Variants in ZFPM2 observed in about 807,000 individuals in gnomAD.
ZFPM2 encodes the protein zinc finger protein, FOG family member 2.
In ZFPM2, 20 loss-of-function variants were observed where a neutral mutation model predicts 98.6. The observed-to-expected ratio is 0.20, with a 90% CI of 0.14 to 0.29. The LOEUF is 0.29. Ranked by LOEUF, ZFPM2 falls within the 10% of genes least tolerant of loss-of-function variation. The pLI is 1.00. For missense variants in ZFPM2, 1,310 were observed against 1,388.6 expected, an observed-to-expected ratio of 0.94 and a Z score of 0.90; for synonymous variants, 518 against 502.7, an observed-to-expected ratio of 1.03 and a Z score of -0.41.
chr8:105,567,218 A>G (rs562255060), intron 4 of ZFPM2, among the ~76,000 whole-genome samples: 9 of 152,290 alleles, frequency 5.9e-5, no homozygotes, highest in Admixed American at 6.5e-5. Context: ...CTATGTCTCC[A>G]GCATTCACCT....
intron 3 of ZFPM2, among the ~76,000 whole-genome samples, chr8:105,488,619 C>G (rs553995853): frequency 9.2e-5 from 14 of 152,142 alleles, no homozygotes; most frequent in African/African-American, 3.4e-4. Context: ...CAAAAATTAG[C>G]CGGGCATGGT....
intron 3 of ZFPM2, among the ~76,000 whole-genome samples, chr8:105,478,744 A>G (rs1418210469): frequency 6.6e-6 from 1 of 152,162 alleles, no homozygotes; most frequent in African/African-American, 2.4e-5. Context: ...TCTTTTTCCT[A>G]AACTGTCTCT....
At chr8:105,628,646 A>G (rs1816701985) in intron 4 of ZFPM2, among the ~76,000 whole-genome samples, 1 of 152,158 alleles carries the variant, frequency 6.6e-6, no homozygotes, top group Non-Finnish European at 1.5e-5. Flanking sequence ...GGATGGTTTG[A>G]TGGTGCAACT....
At chr8:105,430,331 T>C (rs1811995771) in intron 2 of ZFPM2, among the ~76,000 whole-genome samples, 1 of 152,148 alleles carries the variant, frequency 6.6e-6, no homozygotes, top group South Asian at 2.1e-4. Context: ...GTTAGTGGTC[T>C]TCAAAGAAGA....
At chr8:105,485,253 G>A (rs998074531) in intron 3 of ZFPM2, among the ~76,000 whole-genome samples, 6 of 152,232 alleles carry the variant, frequency 3.9e-5, no homozygotes, top group South Asian at 2.1e-4. Context: ...AGCAGCATCA[G>A]TCCAGGGGTT....
chr8:105,505,289 A>G (rs1813676806), intron 3 of ZFPM2, among the ~76,000 whole-genome samples: 1 of 152,188 alleles, frequency 6.6e-6, no homozygotes, highest in African/African-American at 2.4e-5. Flanking sequence ...TAGTACTACT[A>G]GTAGTAATAG....
intron 3 of ZFPM2, among the ~76,000 whole-genome samples, chr8:105,498,407 T>C (rs1813519252): frequency 6.6e-6 from 1 of 152,228 alleles, no homozygotes; most frequent in Non-Finnish European, 1.5e-5. Flanking sequence ...TCACCTACAA[T>C]GTGGCTAGTG....
chr8:105,535,388 C>T (rs1450835892), intron 3 of ZFPM2, among the ~76,000 whole-genome samples: 1 of 152,094 alleles, frequency 6.6e-6, no homozygotes, highest in African/African-American at 2.4e-5. Context: ...AGAGTGAAAG[C>T]CACAGTTAAA....
chr8:105,769,690 C>T (rs906968807), intron 5 of ZFPM2, among the ~76,000 whole-genome samples: 2 of 151,976 alleles, frequency 1.3e-5, no homozygotes, highest in African/African-American at 4.8e-5. Flanking sequence ...TTCCTCTTAT[C>T]ACTGCTTATA....
intron 3 of ZFPM2, among the ~76,000 whole-genome samples, chr8:105,501,496 TC>T (rs1813595259): frequency 6.6e-6 from 1 of 151,416 alleles, no homozygotes; most frequent in Admixed American, 6.6e-5. Context: ...AATTTACTTT[TC>T]TTTTTTTTTT....
At chr8:105,766,304 A>G (rs1812851810) in intron 5 of ZFPM2, among the ~76,000 whole-genome samples, 1 of 151,904 alleles carries the variant, frequency 6.6e-6, no homozygotes, top group Non-Finnish European at 1.5e-5. Flanking sequence ...GCTTGTACCT[A>G]TAATTACATG....
chr8:105,393,053 A>C (rs752032522), intron 1 of ZFPM2, among the ~76,000 whole-genome samples: 3 of 152,160 alleles, frequency 2.0e-5, no homozygotes, highest in African/African-American at 4.8e-5. Flanking sequence ...AGAATCCCTC[A>C]ATGTTCTCAT....
intron 1 of ZFPM2, among the ~76,000 whole-genome samples, chr8:105,330,597 T>TATATATATACATATATATATATAC (rs1563606765): frequency 8.4e-5 from 6 of 71,474 alleles, no homozygotes; most frequent in Admixed American, 2.0e-4. Flanking sequence ...TATATATACA[T>TATATATATACATATATATATATAC]ATATATATAT....
In ZFPM2 at chr8:105,332,676, G is replaced by A. The variant is rs193072730; in HGVS notation, c.40+13695G>A. On this transcript the variant is annotated intron_variant, in intron 1 of 7. Transcript: ENST00000407775. ...CTATGATTTAATCTTGATAGATAGA[G>A]GTATAAATTGCTGTGGGCATTGAGG... Among the ~76,000 whole-genome samples the A allele has an allele frequency of 2.6e-3, 394 of 151,746 alleles. 2 individuals are homozygous for A. The highest frequency in any genetic ancestry group is 9.2e-3 in the African/African-American group (381 of 41,464).
rs954680220 is a variant in ZFPM2 at position 105,693,761 on chromosome 8, GTTATTT to G, written c.532+59410_532+59415del. Among the ~76,000 whole-genome samples, 11 of 151,626 alleles carry G rather than the reference GTTATTT, an allele frequency of 7.3e-5. No homozygotes were observed. The South Asian group carries it at 1.0e-3, about 14-fold the overall frequency. ...GTATTATCCAATTTTTAAAATTTTA[GTTATTT>G]TTATTAATAACTAATATTTGTACAT... is the stretch of plus-strand genomic sequence containing the variant. On this transcript the variant is annotated intron_variant, in intron 5 of 7. Transcript: ENST00000407775.
At chr8:105,753,484 C>G (rs1395784766) in intron 5 of ZFPM2, among the ~76,000 whole-genome samples, 1 of 152,078 alleles carries the variant, frequency 6.6e-6, no homozygotes, top group Non-Finnish European at 1.5e-5. Context: ...ACTGAGATTA[C>G]TACTAGAGCT....
chr8:105,501,082 T>A (rs973348131), intron 3 of ZFPM2, among the ~76,000 whole-genome samples: 1 of 152,198 alleles, frequency 6.6e-6, no homozygotes, highest in African/African-American at 2.4e-5. Context: ...CAGTTCCAAT[T>A]TGTAGTGCCC....
intron 3 of ZFPM2, among the ~76,000 whole-genome samples, chr8:105,454,138 CTT>C (rs1563666708): frequency 6.6e-6 from 1 of 152,004 alleles, no homozygotes; most frequent in Non-Finnish European, 1.5e-5. Flanking sequence ...TATGAAAAGT[CTT>C]TTCGAATGGA....
intron 3 of ZFPM2, among the ~76,000 whole-genome samples, chr8:105,515,945 T>G: frequency 6.9e-6 from 1 of 144,974 alleles, no homozygotes; most frequent in East Asian, 2.1e-4. Context: ...GAGATGGAGT[T>G]TTGCTCTCGT....
Sources: allele counts gnomAD v4.1 joint callset (sites outside exome capture counted in the v4.1 genomes callset), GRCh38; gene constraint gnomAD v4.1.1; transcripts MANE v1.5; gene names NCBI Gene and HGNC (gene_info 2026-07-23, HGNC 2026-07-21).